The following SGSM1 variants were observed in gnomAD, a reference collection of about 807,000 sequenced individuals.
The protein encoded by SGSM1 is small G protein signaling modulator 1, also known as RUN and TBC1 domain containing 2.
SGSM1 carries 73 observed loss-of-function variants against 133.8 expected under a neutral mutation model. The observed-to-expected ratio is 0.55, with a 90% CI of 0.45 to 0.66. The LOEUF is 0.66. Among genes scored for constraint, SGSM1 ranks in the 30% least tolerant of loss-of-function variants. The pLI is 0.00. For synonymous variants in SGSM1, 563 were observed against 573.0 expected, an observed-to-expected ratio of 0.98 and a Z score of 0.25; for missense variants, 1,213 against 1,448.1, an observed-to-expected ratio of 0.84 and a Z score of 2.64.
chr22:24,863,612 C>T (rs905207120), intron 9 of SGSM1, among the ~76,000 whole-genome samples: 3 of 152,124 alleles, frequency 2.0e-5, no homozygotes, highest in African/African-American at 7.2e-5. Flanking sequence ...TGGCAGGAGT[C>T]AGAAATGTGG....
intron 4 of SGSM1, among the ~76,000 whole-genome samples, chr22:24,848,296 G>T (rs1288679402): frequency 6.6e-6 from 1 of 151,936 alleles, no homozygotes; most frequent in Non-Finnish European, 1.5e-5. Flanking sequence ...AGGACCCACG[G>T]CCTGTTCTAA....
Position 24,899,285 on chromosome 22 carries a change from C to T in SGSM1, c.2610+726C>T, listed in dbSNP as rs189783714. Among the ~76,000 whole-genome samples the T allele has an allele frequency of 3.9e-5, 6 of 152,162 alleles. No homozygotes were observed. The East Asian group carries it at 1.2e-3, about 30-fold the overall frequency. ...CCACTTTCCTAAATCTCTTTTCAAA[C>T]ATTTAGACATATCATGTTTTTCATT... On this transcript the variant is annotated intron_variant, in intron 19 of 24. Coordinates refer to ENST00000400358, the MANE Select transcript of SGSM1 (RefSeq NM_001098497.3).
intron 21 of SGSM1, among the ~76,000 whole-genome samples, chr22:24,911,191 T>G (rs895458490): frequency 2.6e-5 from 4 of 151,464 alleles, no homozygotes; most frequent in Admixed American, 6.6e-5. Context: ...GAGCCGTGAT[T>G]GTGCCACTGC....
At chr22:24,847,095 G>A (rs953585180) in intron 3 of SGSM1, among the ~76,000 whole-genome samples, 1 of 152,032 alleles carries the variant, frequency 6.6e-6, no homozygotes, top group African/African-American at 2.4e-5. Context: ...CACCCAGCAT[G>A]TCCCAGATCT....
intron 24 of SGSM1, among the ~76,000 whole-genome samples, chr22:24,920,265 T>C (rs1933959214): frequency 6.6e-6 from 1 of 152,216 alleles, no homozygotes; most frequent in African/African-American, 2.4e-5. Flanking sequence ...GCTGTGCCCA[T>C]GGTCAAGTCA....
chr22:24,811,948 C>T (rs2147779264), intron 2 of SGSM1, among the ~76,000 whole-genome samples: 1 of 151,370 alleles, frequency 6.6e-6, no homozygotes, highest in South Asian at 2.1e-4. Context: ...CTGAGTGGAT[C>T]ACTTGAGGTC....
intron 22 of SGSM1, 94 bp downstream of exon 22, chr22:24,912,846 G>A: frequency 1.3e-6 from 1 of 767,468 alleles, no homozygotes; most frequent in South Asian, 1.7e-5. Context: ...AGCCCACCTG[G>A]ATTGGAATCC....
At chr22:24,900,595 C>T (rs1259092196) in intron 19 of SGSM1, among the ~76,000 whole-genome samples, 1 of 152,052 alleles carries the variant, frequency 6.6e-6, no homozygotes, top group East Asian at 1.9e-4. Flanking sequence ...TGGGTTTTCT[C>T]CATGTTGGTC....
chr22:24,842,434 A>T (rs77517164), intron 2 of SGSM1, among the ~76,000 whole-genome samples: 187 of 152,046 alleles, frequency 1.2e-3, no homozygotes, highest in African/African-American at 3.9e-3. Context: ...GAAAATATAT[A>T]TTTTTTTTCA....
intron 2 of SGSM1, among the ~76,000 whole-genome samples, chr22:24,815,572 C>G (rs1186109134): frequency 1.3e-5 from 2 of 152,112 alleles, no homozygotes; most frequent in Admixed American, 1.3e-4. Context: ...GAAACCCTGT[C>G]TCTACTAAAA....
At chr22:24,914,480 CCCAA>C (rs1933750377) in intron 22 of SGSM1, among the ~76,000 whole-genome samples, 1 of 150,952 alleles carries the variant, frequency 6.6e-6, no homozygotes, top group African/African-American at 2.4e-5. Flanking sequence ...TGTCCCCCCC[CCCAA>C]AAAAAAATTA....
intron 21 of SGSM1, among the ~76,000 whole-genome samples, chr22:24,907,823 A>G (rs571310993): frequency 1.3e-5 from 2 of 149,106 alleles, no homozygotes; most frequent in East Asian, 2.0e-4. Context: ...GAGGCAGGAG[A>G]ATGGCATGAA....
rs1463997644 is a variant in SGSM1, at chr22:24,926,695, G to A, written c.*2421G>A. The A allele has an allele frequency of 2.0e-5, 3 of 152,190 alleles. No homozygotes were observed. The highest frequency in any genetic ancestry group is 1.3e-4 in the Admixed American group (2 of 15,270). The allele number at this position is 152,190 out of a possible 1,614,324, so 9.4% of individuals were successfully genotyped here. A position where few individuals can be genotyped will look rare whatever the true frequency, so the allele number is the denominator to read the frequency against. On this transcript the variant is annotated 3_prime_UTR_variant, in exon 25 of 25. Transcript: ENST00000400358. ...CTATTCAGATCTCTGTATGTTGTGT[G>A]TGTTTCTGTGTCCTGGAATTGGATG...
intron 14 of SGSM1, among the ~76,000 whole-genome samples, chr22:24,882,010 G>A (rs766266132): frequency 3.1e-4 from 45 of 143,796 alleles, no homozygotes; most frequent in Admixed American, 2.8e-3. Flanking sequence ...TTACTGACTT[G>A]GGGGGGGGCC....
At chr22:24,889,255 C>T (rs893931805) in intron 16 of SGSM1, among the ~76,000 whole-genome samples, 11 of 150,830 alleles carry the variant, frequency 7.3e-5, no homozygotes, top group South Asian at 2.1e-4. Flanking sequence ...CCACCGTGCC[C>T]GGCCCTCATA....
intron 21 of SGSM1, among the ~76,000 whole-genome samples, chr22:24,905,950 G>C (rs1387234542): frequency 6.6e-6 from 1 of 151,966 alleles, no homozygotes; most frequent in Non-Finnish European, 1.5e-5. Context: ...ACCAATAACA[G>C]ACAAAGACAT....
At chr22:24,840,625 G>A (rs530428682) in intron 2 of SGSM1, among the ~76,000 whole-genome samples, 1 of 152,242 alleles carries the variant, frequency 6.6e-6, no homozygotes, top group East Asian at 1.9e-4. Context: ...TTACAGGTGT[G>A]AGCCACCATG....
At chr22:24,837,588 C>A (rs959845331) in intron 2 of SGSM1, among the ~76,000 whole-genome samples, 4 of 139,194 alleles carry the variant, frequency 2.9e-5, no homozygotes, top group Non-Finnish European at 6.0e-5. Context: ...ACCCCCCCCC[C>A]CCCTTTCCCA....
At chr22:24,877,915 A>G (rs1279899196) in intron 13 of SGSM1, among the ~76,000 whole-genome samples, 2 of 147,300 alleles carry the variant, frequency 1.4e-5, no homozygotes, top group Non-Finnish European at 3.0e-5. Flanking sequence ...GGTTTAAGCA[A>G]TTCTCCTGCC....
Sources: gnomAD v4.1 joint callset for allele counts (sites outside exome capture counted in the v4.1 genomes callset) on GRCh38, gnomAD v4.1.1 for gene constraint, MANE v1.5 for transcripts, NCBI Gene and HGNC (gene_info 2026-07-23, HGNC 2026-07-21) for gene names.